TEX9: variants seen among roughly 807,000 people sequenced by gnomAD.
TEX9 encodes the protein testis expressed 9.
Under a neutral mutation model 59.6 loss-of-function variants are expected in TEX9, and 74 were observed. The observed-to-expected ratio is 1.24, with a 90% CI of 1.03 to 1.51. The LOEUF is 1.51. TEX9 is among the 40% of genes most tolerant of loss of function. The pLI is 0.00. For synonymous variants in TEX9, 186 were observed against 152.2 expected, an observed-to-expected ratio of 1.22 and a Z score of -1.64; for missense variants, 522 against 447.8, an observed-to-expected ratio of 1.17 and a Z score of -1.49.
intron 1 of TEX9, among the ~76,000 whole-genome samples, chr15:56,303,279 C>CTCTTCAGCT (rs2045403050): frequency 2.0e-5 from 3 of 152,182 alleles, no homozygotes; most frequent in Non-Finnish European, 4.4e-5. Context: ...GCATATGGAT[C>CTCTTCAGCT]ATTCTCAAGG....
exon 8 of TEX9, chr15:56,394,227 G>T (rs1232727765): frequency 6.2e-7 from 1 of 1,606,334 alleles, no homozygotes; most frequent in South Asian, 1.1e-5. Context: ...GGATAATGTT[G>T]TATGTGAATG....
chr15:56,346,116 A>T (rs2046465094), intron 1 of TEX9, among the ~76,000 whole-genome samples: 2 of 152,188 alleles, frequency 1.3e-5, no homozygotes, highest in Admixed American at 1.3e-4. Flanking sequence ...TTTGAGATCT[A>T]ACCAACCACA....
Position 56,313,262 on chromosome 15 carries a change from G to C in TEX9, c.-106-60179G>C, listed in dbSNP as rs1301592302. ...AATGCTTCCAGTTTTTGCCCATTCA[G>C]TATGATATTGGCTGTGGGTTTGTCA... On this transcript the variant is annotated intron_variant, in intron 1 of 5. Coordinates refer to the TEX9 transcript ENST00000560827. Among the ~76,000 whole-genome samples the C allele has an allele frequency of 8.8e-5, 3 of 33,982 alleles. No individual in the cohort carries two copies. The South Asian group carries it at 6.0e-3, about 68-fold the overall frequency. The allele number at this position is 33,982 out of a possible 152,430, so 22.3% of individuals were successfully genotyped here. A position where few individuals can be genotyped will look rare whatever the true frequency, so the allele number is the denominator to read the frequency against.
intron 1 of TEX9, among the ~76,000 whole-genome samples, chr15:56,289,546 C>G (rs1424549112): frequency 6.6e-6 from 1 of 152,188 alleles, no homozygotes; most frequent in Non-Finnish European, 1.5e-5. Flanking sequence ...AACACTGTGG[C>G]TATTCACAGT....
At chr15:56,283,181 T>G (rs914936646) in intron 1 of TEX9, among the ~76,000 whole-genome samples, 7 of 152,108 alleles carry the variant, frequency 4.6e-5, no homozygotes, top group Non-Finnish European at 7.4e-5. Flanking sequence ...CAGGGGAAGC[T>G]GTTTTCTTTT....
intron 1 of TEX9, among the ~76,000 whole-genome samples, chr15:56,261,682 A>G (rs1464511523): frequency 1.3e-5 from 2 of 152,070 alleles, no homozygotes; most frequent in African/African-American, 4.8e-5. Context: ...ACGCCATTGC[A>G]CTCCAGCCTG....
At chr15:56,273,378 T>A (rs1269873472) in intron 1 of TEX9, among the ~76,000 whole-genome samples, 1 of 152,194 alleles carries the variant, frequency 6.6e-6, no homozygotes, top group African/African-American at 2.4e-5. Context: ...CAAATAACAT[T>A]ATGTCACTCA....
In TEX9 at chr15:56,326,411, A is replaced by G. The variant is rs1474800431; in HGVS notation, c.-106-47030A>G. 3.9e-5 allele frequency among the ~76,000 whole-genome samples: 6 copies of G among 152,198 alleles called. No individual in the cohort carries two copies. In the East Asian group the frequency reaches 1.2e-3, roughly 29 times the overall value. On this transcript the variant is annotated intron_variant, in intron 1 of 5. Transcript: ENST00000560827. Reference sequence around the variant, plus strand: ...CAAAATAAACTCAATTTTTTCAATTATAAATGTTTTTATCATCTAATTTAT... The same window carrying G: ...CAAAATAAACTCAATTTTTTCAATTGTAAATGTTTTTATCATCTAATTTAT...
chr15:56,365,739 T>C, intron 2 of TEX9, 69 bp downstream of exon 2: 1 of 1,594,288 alleles, frequency 6.3e-7, no homozygotes, highest in Non-Finnish European at 8.5e-7. Context: ...CAAGTACTTT[T>C]TTCTGGAGAC....
At chr15:56,423,496 TTC>T (rs1293617063) in intron 10 of TEX9, among the ~76,000 whole-genome samples, 1 of 152,204 alleles carries the variant, frequency 6.6e-6, no homozygotes, top group African/African-American at 2.4e-5. Context: ...GAAAACTGTA[TTC>T]TCTTATTTTT....
chr15:56,292,321 C>G (rs1221332977), intron 1 of TEX9, among the ~76,000 whole-genome samples: 3 of 152,136 alleles, frequency 2.0e-5, no homozygotes, highest in Non-Finnish European at 4.4e-5. Context: ...TCTGTGGCAG[C>G]TGGAAGGCAG....
At chr15:56,286,427 G>A (rs78134571) in intron 1 of TEX9, among the ~76,000 whole-genome samples, 1,769 of 152,210 alleles carry the variant, frequency 0.012, 36 homozygotes, top group African/African-American at 0.041. Context: ...CCACTAGGGC[G>A]GCAGCAGAGA....
upstream of TEX9, among the ~76,000 whole-genome samples, chr15:56,362,498 C>T (rs2046807957): frequency 1.3e-5 from 2 of 152,162 alleles, no homozygotes; most frequent in Non-Finnish European, 2.9e-5. Flanking sequence ...CATAGTGTTC[C>T]TTTCTTTATC....
intron 1 of TEX9, among the ~76,000 whole-genome samples, chr15:56,317,787 G>A (rs1325421297): frequency 6.6e-6 from 1 of 152,020 alleles, no homozygotes; most frequent in African/African-American, 2.4e-5. Context: ...TTAGGATTAT[G>A]TCATTCAATT....
At chr15:56,339,405 A>C (rs1319158498) in intron 1 of TEX9, among the ~76,000 whole-genome samples, 15 of 115,754 alleles carry the variant, frequency 1.3e-4, no homozygotes, top group East Asian at 4.8e-4. Context: ...AAAAAAAAAA[A>C]AAAAAAAAAC....
intron 6 of TEX9, among the ~76,000 whole-genome samples, chr15:56,390,227 T>C (rs921385814): frequency 1.1e-4 from 16 of 152,034 alleles, no homozygotes; most frequent in African/African-American, 3.4e-4. Context: ...AGACTTCACA[T>C]TTTTTTAAAA....
At chr15:56,338,242 A>G (rs1377801340) in intron 1 of TEX9, among the ~76,000 whole-genome samples, 1 of 152,208 alleles carries the variant, frequency 6.6e-6, no homozygotes, top group African/African-American at 2.4e-5. Flanking sequence ...ATTACTGAGA[A>G]AAGCTAATCT....
intron 9 of TEX9, among the ~76,000 whole-genome samples, chr15:56,405,870 T>C (rs1363949716): frequency 6.6e-6 from 1 of 152,216 alleles, no homozygotes; most frequent in Non-Finnish European, 1.5e-5. Flanking sequence ...GATGGAGTTT[T>C]CTGAAATACA....
chr15:56,358,930 C>T (rs1392148054), intron 1 of TEX9, among the ~76,000 whole-genome samples: 3 of 152,114 alleles, frequency 2.0e-5, no homozygotes, highest in Non-Finnish European at 2.9e-5. Flanking sequence ...CTTCTCCTTC[C>T]GCCATGATTG....
Sources: allele counts gnomAD v4.1 joint callset (sites outside exome capture counted in the v4.1 genomes callset), GRCh38; gene constraint gnomAD v4.1.1; transcripts MANE v1.5; gene names NCBI Gene and HGNC (gene_info 2026-07-23, HGNC 2026-07-21).